The following ST18 variants were observed in gnomAD, a reference collection of about 807,000 sequenced individuals.
ST18 encodes suppression of tumorigenicity 18 protein.
A neutral mutation model predicts 110.0 loss-of-function variants in ST18; 50 were observed. That is an observed-to-expected ratio of 0.45 (90% CI 0.36 to 0.58). ST18 has a LOEUF of 0.58. Ranked by LOEUF, ST18 falls within the 20% of genes least tolerant of loss-of-function variation. The probability of loss-of-function intolerance (pLI) is 0.00; values close to 1 mark genes in which losing one functional copy is unlikely to be tolerated. For synonymous variants in ST18, 461 were observed against 452.4 expected, an observed-to-expected ratio of 1.02 and a Z score of -0.24; for missense variants, 1,306 against 1,280.1, an observed-to-expected ratio of 1.02 and a Z score of -0.31.
At position 52,133,283 on chromosome 8, in the gene ST18, G is replaced by A. The variant is rs369209561; in HGVS notation, c.2319C>T (p.Cys773=). ...TTCCAGTCACGTGCCCCGAGCCATCGCAGCCTGGGGTTGGACACCTGGAAG... is the reference window on the plus strand; with the variant it reads ...TTCCAGTCACGTGCCCCGAGCCATCACAGCCTGGGGTTGGACACCTGGAAG... ...SQELKCPTPG[C]DGSGHVTGNY... Residue 773 remains cysteine (C), a synonymous_variant, in exon 20 of 26, where the codon TGC becomes TGT. Coordinates refer to ENST00000689386, the MANE Select transcript of ST18 (RefSeq NM_001352837.2). 1.6e-5 allele frequency: 26 copies of A among 1,613,972 alleles called. No individual in the cohort carries two copies. Among genetic ancestry groups the A allele is most frequent in the Non-Finnish European group, 1.9e-5 (23 of 1,180,036 alleles).
chr8:52,374,501 T>G (rs1309377793), intron 2 of ST18, among the ~76,000 whole-genome samples: 1 of 152,180 alleles, frequency 6.6e-6, no homozygotes, highest in Non-Finnish European at 1.5e-5. Context: ...TTTTTTTCTT[T>G]ATTTTATTTT....
At chr8:52,295,843 C>T (rs2095626864) in intron 2 of ST18, among the ~76,000 whole-genome samples, 1 of 151,476 alleles carries the variant, frequency 6.6e-6, no homozygotes, top group African/African-American at 2.4e-5. Context: ...GCTCAATCTG[C>T]CTTCTTATTA....
intron 2 of ST18, among the ~76,000 whole-genome samples, chr8:52,256,306 T>C (rs1413017281): frequency 1.3e-5 from 2 of 152,242 alleles, no homozygotes; most frequent in Admixed American, 6.5e-5. Context: ...CATTGTGCTA[T>C]TTAAAGGTGA....
rs779107726 is a variant in ST18, at chr8:52,132,169, T to A, written c.2455A>T (p.Ile819Leu). Reference sequence around the variant, plus strand: ...ATGTGACCTTGGCCATCACACCCTATCACAGGACATCTAGAGAGAAAGCAG... The same window carrying A: ...ATGTGACCTTGGCCATCACACCCTAACACAGGACATCTAGAGAGAAAGCAG... ...KEDPELKCPV[I>L]GCDGQGHISG... The change falls in exon 22 of 26, where the codon ATA (isoleucine) becomes TTA (leucine). Residue 819 changes from isoleucine (I) to leucine (L), a missense_variant. By Grantham distance (5) the Ile-to-Leu change is conservative. Coordinates refer to ENST00000689386, the MANE Select transcript of ST18 (RefSeq NM_001352837.2). The A allele has an allele frequency of 1.2e-6, 2 of 1,611,856 alleles. No homozygotes were observed. Among genetic ancestry groups the A allele is most frequent in the South Asian group, 1.1e-5 (1 of 90,934 alleles).
chr8:52,287,042 G>T (rs1301592855), intron 2 of ST18, among the ~76,000 whole-genome samples: 1 of 152,190 alleles, frequency 6.6e-6, no homozygotes, highest in Admixed American at 6.5e-5. Context: ...ACAGGTTACA[G>T]ATTTTTTATA....
chr8:52,114,713 T>A (rs1189579828), intron 25 of ST18, among the ~76,000 whole-genome samples: 3 of 152,192 alleles, frequency 2.0e-5, no homozygotes, highest in East Asian at 3.9e-4. Context: ...AAGGCCACTC[T>A]GCAGGGCCGG....
chr8:52,284,355 A>G (rs891918364), intron 2 of ST18, among the ~76,000 whole-genome samples: 12 of 152,172 alleles, frequency 7.9e-5, no homozygotes, highest in Admixed American at 3.9e-4. Flanking sequence ...AGGTTTTGGA[A>G]AGAATCATCT....
intron 8 of ST18, among the ~76,000 whole-genome samples, chr8:52,191,683 TGA>T (rs556473601): frequency 1.3e-5 from 2 of 152,168 alleles, no homozygotes; most frequent in African/African-American, 4.8e-5. Context: ...AGGGTGAGTC[TGA>T]GAGGAGCAGA....
intron 2 of ST18, among the ~76,000 whole-genome samples, chr8:52,347,198 GTAA>G (rs1818170911): frequency 6.6e-6 from 1 of 152,060 alleles, no homozygotes; most frequent in African/African-American, 2.4e-5. Flanking sequence ...TAAGTAAGAA[GTAA>G]TAAATAATAT....
chr8:52,151,382 T>A (rs1308904496), intron 15 of ST18, among the ~76,000 whole-genome samples: 1 of 152,252 alleles, frequency 6.6e-6, no homozygotes, highest in Non-Finnish European at 1.5e-5. Context: ...ACGCTTCTAA[T>A]ATGTTGTACT....
chr8:52,250,445 C>CAAAAAAAAAAAAAAAAAAAAAAAAAA (rs1159770176), intron 2 of ST18, among the ~76,000 whole-genome samples: 1 of 4,280 alleles, frequency 2.3e-4, no homozygotes, highest in Non-Finnish European at 4.2e-4. Context: ...GCCTCAAAGG[C>CAAAAAAAAAAAAAAAAAAAAAAAAAA]AAAAAAAAAA....
chr8:52,363,110 G>A (rs1362796304), intron 2 of ST18, among the ~76,000 whole-genome samples: 1 of 152,188 alleles, frequency 6.6e-6, no homozygotes, highest in Non-Finnish European at 1.5e-5. Context: ...TACTTGGGAG[G>A]CTGAGGCAGG....
chr8:52,379,154 A>C (rs1373411779), intron 2 of ST18, among the ~76,000 whole-genome samples: 2 of 148,450 alleles, frequency 1.3e-5, no homozygotes, highest in Admixed American at 1.4e-4. Context: ...GCTGAAGTGC[A>C]GTGGCTCAAT....
chr8:52,319,401 T>G (rs1201479804), intron 2 of ST18, among the ~76,000 whole-genome samples: 1 of 152,226 alleles, frequency 6.6e-6, no homozygotes, highest in Non-Finnish European at 1.5e-5. Context: ...TTTATGATTG[T>G]GCATTCGTTG....
intron 23 of ST18, among the ~76,000 whole-genome samples, chr8:52,121,575 A>G (rs1239854360): frequency 1.3e-5 from 2 of 152,200 alleles, no homozygotes; most frequent in African/African-American, 2.4e-5. Flanking sequence ...TTTAAAAACC[A>G]TGAGGTAGAA....
intron 6 of ST18, among the ~76,000 whole-genome samples, chr8:52,216,402 C>T (rs905716469): frequency 6.6e-6 from 1 of 151,998 alleles, no homozygotes; most frequent in Admixed American, 6.6e-5. Context: ...ATATAGATAT[C>T]CTATACAAAC....
At chr8:52,407,800 C>T (rs756617630) in intron 2 of ST18, 3 of 152,156 alleles carry the variant, frequency 2.0e-5, no homozygotes, top group Non-Finnish European at 4.4e-5. Context: ...CTGCGCTGCC[C>T]TCTTCTGGTG....
At chr8:52,353,033 C>T (rs1266810545) in intron 2 of ST18, among the ~76,000 whole-genome samples, 2 of 152,198 alleles carry the variant, frequency 1.3e-5, no homozygotes, top group Non-Finnish European at 2.9e-5. Context: ...CCTGTTCTTT[C>T]CACTTTTCCA....
At chr8:52,363,042 C>G (rs936037023) in intron 2 of ST18, among the ~76,000 whole-genome samples, 1 of 152,150 alleles carries the variant, frequency 6.6e-6, no homozygotes, top group Non-Finnish European at 1.5e-5. Flanking sequence ...AAACCCGTCT[C>G]TACTAAAAAA....
Sources: gnomAD v4.1 joint callset for allele counts (sites outside exome capture counted in the v4.1 genomes callset) on GRCh38, gnomAD v4.1.1 for gene constraint, MANE v1.5 for transcripts, NCBI Gene and HGNC (gene_info 2026-07-23, HGNC 2026-07-21) for gene names.